The following HYCC1 variants were observed in gnomAD, a reference collection of about 807,000 sequenced individuals.
The protein encoded by HYCC1 is hyccin PI4KA lipid kinase complex subunit 1, also known as hyccin.
the HYCC1 span, among the ~76,000 whole-genome samples, chr7:22,973,878 G>A: frequency 2.0e-5 from 3 of 152,156 alleles, no homozygotes; most frequent in Non-Finnish European, 4.4e-5. Context: ...AGTGACACAT[G>A]TTCTTTTCTA....
At chr7:22,962,746 C>G in the HYCC1 span, among the ~76,000 whole-genome samples, 2 of 151,258 alleles carry the variant, frequency 1.3e-5, no homozygotes, top group Admixed American at 6.6e-5. Context: ...TACCTCCCCC[C>G]ATTTCCATGC....
the HYCC1 span, among the ~76,000 whole-genome samples, chr7:22,913,961 AT>A: frequency 2.0e-5 from 3 of 152,106 alleles, no homozygotes; most frequent in African/African-American, 7.2e-5. Context: ...CATCTCACCA[AT>A]TTCAAATTGG....
chr7:22,941,099 C>T, the HYCC1 span: 4 of 152,136 alleles, frequency 2.6e-5, no homozygotes, highest in Non-Finnish European at 5.9e-5. Context: ...ACATGTAAAG[C>T]ACAAAGCCAG....
At chr7:22,994,774 G>A in the HYCC1 span, among the ~76,000 whole-genome samples, 1 of 152,056 alleles carries the variant, frequency 6.6e-6, no homozygotes, top group Non-Finnish European at 1.5e-5. Context: ...CACCACCACT[G>A]TCTGCTTTAG....
chr7:22,936,215 T>C, the HYCC1 span: 2 of 151,876 alleles, frequency 1.3e-5, no homozygotes, highest in African/African-American at 2.4e-5. Context: ...TGAGGACAAA[T>C]AGTTGTCTCT....
At chr7:22,983,306 G>T in the HYCC1 span, among the ~76,000 whole-genome samples, 1 of 147,598 alleles carries the variant, frequency 6.8e-6, no homozygotes, top group Admixed American at 6.8e-5. Context: ...TCCAGCCTGG[G>T]CAACAAAATG....
At chr7:22,974,899 G>A in the HYCC1 span, among the ~76,000 whole-genome samples, 2 of 152,162 alleles carry the variant, frequency 1.3e-5, no homozygotes, top group African/African-American at 2.4e-5. Flanking sequence ...TTATAAAGGG[G>A]AGTTCTCCTG....
chr7:22,997,404 T>C, the HYCC1 span, among the ~76,000 whole-genome samples: 3 of 152,172 alleles, frequency 2.0e-5, no homozygotes, highest in African/African-American at 7.2e-5. Context: ...TCTATAAATT[T>C]ATAGAGCAAC....
chr7:22,915,524 C>T, the HYCC1 span, among the ~76,000 whole-genome samples: 2 of 152,208 alleles, frequency 1.3e-5, no homozygotes, highest in African/African-American at 2.4e-5. Context: ...CGCAGAATCC[C>T]TGGAACTCTG....
chr7:22,935,210 A>G, the HYCC1 span: 2 of 152,246 alleles, frequency 1.3e-5, no homozygotes, highest in African/African-American at 4.8e-5. Context: ...TTGCTCTGCT[A>G]TAGAAGTGTC....
chr7:22,899,241 A>C, the HYCC1 span, among the ~76,000 whole-genome samples: 1 of 152,150 alleles, frequency 6.6e-6, no homozygotes. Flanking sequence ...CAGACTCCCC[A>C]TGCTGTCCCT....
At chr7:22,993,383 G>A in the HYCC1 span, among the ~76,000 whole-genome samples, 1 of 152,008 alleles carries the variant, frequency 6.6e-6, no homozygotes, top group Middle Eastern at 3.2e-3. Context: ...CACAAGGAGG[G>A]GAAAAGGATA....
chr7:22,957,274 G>A, the HYCC1 span, among the ~76,000 whole-genome samples: 4 of 147,050 alleles, frequency 2.7e-5, no homozygotes, highest in East Asian at 2.0e-4. Context: ...GCTTAATTAC[G>A]TATATTCTTT....
the HYCC1 span, among the ~76,000 whole-genome samples, chr7:22,964,049 A>C: frequency 6.6e-6 from 1 of 152,090 alleles, no homozygotes. Flanking sequence ...TTAAGAGCTA[A>C]AGTTTCTGGC....
the HYCC1 span, among the ~76,000 whole-genome samples, chr7:22,897,665 G>A: frequency 6.6e-6 from 1 of 152,136 alleles, no homozygotes; most frequent in South Asian, 2.1e-4. Flanking sequence ...TTGCTCTGTT[G>A]CCCAGGGTGG....
chr7:22,977,100 A>T, the HYCC1 span, among the ~76,000 whole-genome samples: 1 of 138,686 alleles, frequency 7.2e-6, no homozygotes, highest in African/African-American at 2.7e-5. Context: ...ATCCATCAGG[A>T]AGAGGGAAAA....
the HYCC1 span, chr7:22,939,015 C>T: frequency 6.6e-6 from 1 of 152,180 alleles, no homozygotes; most frequent in Non-Finnish European, 1.5e-5. Flanking sequence ...AACTACTGCA[C>T]ACATTTATAA....
chr7:22,958,489 G>C, the HYCC1 span, among the ~76,000 whole-genome samples: 1 of 152,032 alleles, frequency 6.6e-6, no homozygotes, highest in African/African-American at 2.4e-5. Flanking sequence ...AATTGTGAAG[G>C]GGTACAGGTG....
the HYCC1 span, among the ~76,000 whole-genome samples, chr7:22,921,765 T>A: frequency 6.6e-6 from 1 of 152,156 alleles, no homozygotes; most frequent in South Asian, 2.1e-4. Context: ...AACCTGCATA[T>A]ACAAAAAGTC....
Sources: allele counts gnomAD v4.1 joint callset (sites outside exome capture counted in the v4.1 genomes callset), GRCh38; gene constraint gnomAD v4.1.1; transcripts MANE v1.5; gene names NCBI Gene and HGNC (gene_info 2026-07-23, HGNC 2026-07-21).